FOXO3: variants seen among roughly 807,000 people sequenced by gnomAD.
FOXO3 encodes forkhead box protein O3.
In FOXO3, 4 loss-of-function variants were observed where a neutral mutation model predicts 41.9. The observed-to-expected ratio is 0.10, with a 90% CI of 0.05 to 0.22. FOXO3 has a LOEUF of 0.22. Ranked by LOEUF, FOXO3 falls within the 10% of genes least tolerant of loss-of-function variation. The probability of loss-of-function intolerance (pLI) is 1.00; values close to 1 mark genes in which losing one functional copy is unlikely to be tolerated. For missense variants in FOXO3, 534 were observed against 906.8 expected, an observed-to-expected ratio of 0.59 and a Z score of 5.28; for synonymous variants, 318 against 389.3, an observed-to-expected ratio of 0.82 and a Z score of 2.16.
chr6:108,683,659 C>T lies in FOXO3; in HGVS notation c.*3867C>T, dbSNP rs1345301039. 2 of 147,150 alleles carry T rather than the reference C, an allele frequency of 1.4e-5. No individual in the cohort carries two copies. The highest frequency in any genetic ancestry group is 5.0e-5 in the African/African-American group (2 of 40,314). 9.1% of individuals were successfully genotyped at this position (147,150 alleles called of 1,614,324 possible). ...CGAGATCATGCCAGTGCACTCCAGC[C>T]TGGGTAACAAGAGTGAAACTCCGTG... On this transcript the variant is annotated 3_prime_UTR_variant, in exon 3 of 3. Coordinates refer to ENST00000406360, the MANE Select transcript of FOXO3 (RefSeq NM_001455.4).
At chr6:108,667,587 G>A (rs1040007723) in intron 2 of FOXO3, among the ~76,000 whole-genome samples, 16 of 152,070 alleles carry the variant, frequency 1.1e-4, no homozygotes, top group Admixed American at 8.5e-4. Context: ...TAATTCTAAA[G>A]GATTGTACAG....
intron 1 of FOXO3, among the ~76,000 whole-genome samples, chr6:108,566,649 C>T (rs1426528868): frequency 6.6e-6 from 1 of 152,094 alleles, no homozygotes; most frequent in Non-Finnish European, 1.5e-5. Flanking sequence ...GCATCAGATT[C>T]CAGATTCCCA....
At chr6:108,593,207 A>G (rs564392904) in intron 1 of FOXO3, among the ~76,000 whole-genome samples, 94 of 152,186 alleles carry the variant, frequency 6.2e-4, no homozygotes, top group African/African-American at 2.2e-3. Flanking sequence ...TTTATTTCCT[A>G]GTTTATCAAA....
At chr6:108,615,680 C>A (rs1777479858) in intron 1 of FOXO3, among the ~76,000 whole-genome samples, 1 of 151,868 alleles carries the variant, frequency 6.6e-6, no homozygotes, top group African/African-American at 2.4e-5. Context: ...CTCCCTCTTT[C>A]CTCTTCTTTT....
At chr6:108,656,576 G>C (rs754800371) in intron 1 of FOXO3, 156 of 921,280 alleles carry the variant, frequency 1.7e-4, no homozygotes, top group Non-Finnish European at 1.9e-4. Flanking sequence ...TTCCGTGTGG[G>C]ATCTAACAGT....
At chr6:108,652,170 G>C (rs191763103) in intron 1 of FOXO3, among the ~76,000 whole-genome samples, 1 of 152,334 alleles carries the variant, frequency 6.6e-6, no homozygotes, top group East Asian at 1.9e-4. Flanking sequence ...GCCTCCAGAC[G>C]TGCCACCAAG....
chr6:108,636,297 TCA>T (rs1467655561), intron 1 of FOXO3, among the ~76,000 whole-genome samples: 1 of 152,232 alleles, frequency 6.6e-6, no homozygotes, highest in Non-Finnish European at 1.5e-5. Flanking sequence ...TAGTTTGATC[TCA>T]CAGAGAATAC....
intron 1 of FOXO3, among the ~76,000 whole-genome samples, chr6:108,596,037 A>C (rs1582759541): frequency 6.6e-6 from 1 of 152,136 alleles, no homozygotes; most frequent in East Asian, 1.9e-4. Context: ...CTTTCCATTC[A>C]TATTTTTTTC....
chr6:108,617,155 G>T (rs952660600), intron 1 of FOXO3, among the ~76,000 whole-genome samples: 26 of 152,272 alleles, frequency 1.7e-4, no homozygotes, highest in African/African-American at 6.3e-4. Flanking sequence ...GGAGGGAATT[G>T]CTGGGTCATG....
chr6:108,593,855 T>TG (rs200343218), intron 1 of FOXO3, among the ~76,000 whole-genome samples: 3,185 of 151,980 alleles, frequency 0.021, 113 homozygotes, highest in African/African-American at 0.071. Context: ...TAGCTGGGAT[T>TG]ACAGGCATGT....
At chr6:108,597,240 C>A (rs1776911527) in intron 1 of FOXO3, among the ~76,000 whole-genome samples, 1 of 152,188 alleles carries the variant, frequency 6.6e-6, no homozygotes, top group Non-Finnish European at 1.5e-5. Context: ...AGAGCCAGAC[C>A]TAAGAGTGTC....
At chr6:108,636,351 C>T (rs1008004051) in intron 1 of FOXO3, among the ~76,000 whole-genome samples, 3 of 152,180 alleles carry the variant, frequency 2.0e-5, no homozygotes, top group African/African-American at 7.2e-5. Flanking sequence ...TTCACTAGAT[C>T]TCTAAACAGG....
intron 1 of FOXO3, among the ~76,000 whole-genome samples, chr6:108,585,233 C>T (rs577496960): frequency 5.5e-4 from 83 of 151,898 alleles, no homozygotes; most frequent in African/African-American, 1.5e-3. Context: ...TTAGTAGAGA[C>T]GGGGTTTCAC....
At chr6:108,574,879 G>C (rs1215662802) in intron 1 of FOXO3, among the ~76,000 whole-genome samples, 2 of 152,190 alleles carry the variant, frequency 1.3e-5, no homozygotes, top group Non-Finnish European at 2.9e-5. Flanking sequence ...AGTAAAGATA[G>C]GTAAGTAGTG....
intron 1 of FOXO3, among the ~76,000 whole-genome samples, chr6:108,597,956 GAAGCT>G (rs2128365374): frequency 6.6e-6 from 1 of 152,244 alleles, no homozygotes; most frequent in East Asian, 1.9e-4. Context: ...TCCCTCTGTT[GAAGCT>G]ATATATATTT....
chr6:108,573,437 T>C (rs1776165361), intron 1 of FOXO3, among the ~76,000 whole-genome samples: 1 of 152,250 alleles, frequency 6.6e-6, no homozygotes, highest in South Asian at 2.1e-4. Context: ...AGAGTTGTGC[T>C]GACTCTGAGT....
chr6:108,677,195 A>T (rs913535256), intron 2 of FOXO3, among the ~76,000 whole-genome samples: 1 of 152,208 alleles, frequency 6.6e-6, no homozygotes, highest in African/African-American at 2.4e-5. Context: ...GGTGACCCCA[A>T]CCCCAATCTG....
At chr6:108,630,897 G>C (rs540406796) in intron 1 of FOXO3, among the ~76,000 whole-genome samples, 1 of 152,224 alleles carries the variant, frequency 6.6e-6, no homozygotes, top group African/African-American at 2.4e-5. Flanking sequence ...ATTACCGAAA[G>C]GCTATTAATT....
chr6:108,676,266 A>T (rs2128392279), intron 2 of FOXO3, among the ~76,000 whole-genome samples: 1 of 152,340 alleles, frequency 6.6e-6, no homozygotes, highest in East Asian at 1.9e-4. Context: ...TAATTGGCAT[A>T]TTGCCTAGTA....
Sources: gnomAD v4.1 joint callset for allele counts (sites outside exome capture counted in the v4.1 genomes callset) on GRCh38, gnomAD v4.1.1 for gene constraint, MANE v1.5 for transcripts, NCBI Gene and HGNC (gene_info 2026-07-23, HGNC 2026-07-21) for gene names.